Variants in SPDYE3 observed in about 807,000 individuals in gnomAD.
The protein encoded by SPDYE3 is speedy/RINGO cell cycle regulator family member E3.
In SPDYE3, 15 loss-of-function variants were observed where a neutral mutation model predicts 55.0. The observed-to-expected ratio is 0.27, with a 90% CI of 0.18 to 0.42. The LOEUF (loss-of-function observed/expected upper bound fraction) is 0.42, where lower values mean the gene tolerates loss of function less well. SPDYE3 is among the 10% of genes least tolerant of loss of function. The pLI is 1.00. For synonymous variants in SPDYE3, 89 were observed against 229.9 expected (o/e 0.39, Z 5.55); for missense variants, 236 against 576.7 (o/e 0.41, Z 6.05).
chr7:100,311,539 G>A (rs897783417), intron 3 of SPDYE3, among the ~76,000 whole-genome samples: 1 of 138,764 alleles, frequency 7.2e-6, no homozygotes, highest in African/African-American at 2.8e-5. Flanking sequence ...GGAAGGATAT[G>A]ACGCAGTGTT....
intron 3 of SPDYE3, among the ~76,000 whole-genome samples, chr7:100,311,472 CA>C (rs1469369976): frequency 2.3e-5 from 3 of 132,138 alleles, no homozygotes; most frequent in Admixed American, 1.5e-4. Context: ...GGTGACAAAG[CA>C]AGATTCTGTC....
intron 1 of SPDYE3, among the ~76,000 whole-genome samples, chr7:100,308,341 AAAAAAAAAGAAGAAG>A (rs1428184159): frequency 6.6e-6 from 1 of 150,650 alleles, no homozygotes; most frequent in African/African-American, 2.4e-5. Context: ...AAAAAAAAAA[AAAAAAAAAGAAGAAG>A]AAAAAAAAGA....
In SPDYE3 at chr7:100,307,781, G is replaced by C; in HGVS notation, c.-105G>C. On this transcript the variant is annotated 5_prime_UTR_variant, in exon 1 of 11. Transcript: ENST00000332397. The stretch of plus-strand genomic sequence containing the variant: ...TCCACTCCTGACTTCTCCCAGCCTC[G>C]AGAATTGATAACACACTCTTCTGGA... The C allele has an allele frequency of 7.0e-7, 1 of 1,434,848 alleles. No individual in the cohort carries two copies. The highest frequency in any genetic ancestry group is 9.2e-7 in the Non-Finnish European group (1 of 1,086,890). 88.9% of individuals were successfully genotyped at this position (1,434,848 alleles called of 1,614,324 possible). A position where few individuals can be genotyped will look rare whatever the true frequency, so the allele number is the denominator to read the frequency against.
At chr7:100,318,024 C>T (rs530370637) in intron 8 of SPDYE3, among the ~76,000 whole-genome samples, 7 of 151,576 alleles carry the variant, frequency 4.6e-5, no homozygotes, top group Admixed American at 1.3e-4. Flanking sequence ...AACCATGAAC[C>T]GCTCCTAAGG....
rs1350906470 is a variant in SPDYE3 at position 100,320,983 on chromosome 7, G to A, written c.*138G>A. 3 of 1,205,290 alleles carry A rather than the reference G, an allele frequency of 2.5e-6. No individual in the cohort carries two copies. The East Asian group carries it at 1.4e-4, about 57-fold the overall frequency. The allele number at this position is 1,205,290 out of a possible 1,614,324, so 74.7% of individuals were successfully genotyped here. On this transcript the variant is annotated 3_prime_UTR_variant, in exon 11 of 11. Coordinates refer to ENST00000332397, the MANE Select transcript of SPDYE3 (RefSeq NM_001004351.5). ...AGGAAGGAGGAGAGGAGCCATTTGT[G>A]CAGATCATCTAGAAGAACCTGGACC... is the stretch of plus-strand genomic sequence containing the variant.
rs375412654 is a variant in SPDYE3, at chr7:100,319,733, G to C, written c.1515G>C (p.Leu505Phe). The change falls in exon 9 of 11, where the codon TTG becomes TTC. Residue 505 changes from leucine (L) to phenylalanine (F), a missense_variant. Physicochemically the swap from Leu to Phe is conservative, Grantham distance 22. Transcript: ENST00000332397. The part of the protein sequence containing the change: ...RARKNCSQIA[L>F]FQKRRFQFFC... ...GGAAGAACTGCTCTCAGATAGCCTTGTTCCAGAAGCGTCGGTTCCAGTTCT... is the reference window on the plus strand; with the variant it reads ...GGAAGAACTGCTCTCAGATAGCCTTCTTCCAGAAGCGTCGGTTCCAGTTCT... The C allele has an allele frequency of 1.5e-4, 244 of 1,614,200 alleles. 1 individual carries two copies. Among genetic ancestry groups the C allele is most frequent in the Non-Finnish European group, 2.0e-4 (234 of 1,180,038 alleles).
In SPDYE3 at chr7:100,307,708, C is replaced by A; in HGVS notation, c.-178C>A. The A allele has an allele frequency of 1.4e-6, 2 of 1,384,162 alleles. No homozygotes were observed. Among genetic ancestry groups the A allele is most frequent in the South Asian group, 3.0e-5 (2 of 66,220 alleles). The allele number at this position is 1,384,162 out of a possible 1,614,324, so 85.7% of individuals were successfully genotyped here. A position where few individuals can be genotyped will look rare whatever the true frequency, so the allele number is the denominator to read the frequency against. On this transcript the variant is annotated 5_prime_UTR_variant, in exon 1 of 11. Transcript: ENST00000332397. ...CCTGATTGGAAGGACCGGACTCTGT[C>A]GGCGCCTGGCAGTTCAGGTGAACAA...
chr7:100,318,718 T>C, intron 8 of SPDYE3, among the ~76,000 whole-genome samples: 1 of 88,740 alleles, frequency 1.1e-5, no homozygotes, highest in Non-Finnish European at 2.1e-5. Context: ...ATCAATGTAT[T>C]CAATTGCTTT....
chr7:100,308,612 G>C (rs1805884458), intron 1 of SPDYE3, among the ~76,000 whole-genome samples: 1 of 151,900 alleles, frequency 6.6e-6, no homozygotes, highest in Non-Finnish European at 1.5e-5. Flanking sequence ...GAGAGGCTGA[G>C]GCAGGAGAAT....
At position 100,315,698 on chromosome 7, in the gene SPDYE3, C is replaced by T. The variant is rs1399322215; in HGVS notation, c.1202-87C>T. 43 of 1,589,798 alleles carry T rather than the reference C, an allele frequency of 2.7e-5. No individual in the cohort carries two copies. The East Asian group carries it at 6.3e-4, about 23-fold the overall frequency. On this transcript the variant is annotated intron_variant, in intron 6 of 10. Transcript: ENST00000332397. ...CGGCCACAATCCTGAGACTTTCCCC[C>T]GGGAGGCACACTTCTCCTCACTGCC...
At chr7:100,316,468 C>T (rs572574143) in intron 7 of SPDYE3, among the ~76,000 whole-genome samples, 1 of 152,290 alleles carries the variant, frequency 6.6e-6, no homozygotes, top group African/African-American at 2.4e-5. Context: ...TTGAAATCTT[C>T]GTAGAAACAG....
intron 7 of SPDYE3, 100 bp from the exon 8 acceptor site, chr7:100,316,970 T>C: frequency 1.1e-5 from 17 of 1,581,574 alleles, no homozygotes; most frequent in Non-Finnish European, 1.5e-5. Context: ...GTCCCTTCTC[T>C]GATGGGCAAC....
chr7:100,307,910 C>T lies in SPDYE3; in HGVS notation c.25C>T (p.Gln9Ter), dbSNP rs1311943301. The T allele has an allele frequency of 5.0e-6, 8 of 1,585,816 alleles. No individual in the cohort carries two copies. The East Asian group carries it at 1.8e-4, about 36-fold the overall frequency. Residue 9 changes from glutamine (Q) to a stop codon, truncating the protein, a stop_gained, in exon 1 of 11, where the codon CAG becomes TAG. Transcript: ENST00000332397. LOFTEE classifies it high-confidence loss of function. ...CATGACGAGCCATCAACCGCAGCCC[C>T]AGGAAGAGCAGAGCCCCCAGCGGAG... is the stretch of plus-strand genomic sequence containing the variant. MTSHQPQP[Q>*]EEQSPQRSTS...
Position 100,319,299 on chromosome 7 carries a change from C to T in SPDYE3, c.1347-266C>T, listed in dbSNP as rs188338225. Among the ~76,000 whole-genome samples the T allele has an allele frequency of 3.2e-3, 480 of 152,310 alleles. 5 individuals are homozygous for T. The highest frequency in any genetic ancestry group is 0.011 in the African/African-American group (442 of 41,566). On this transcript the variant is annotated intron_variant, in intron 8 of 10. Transcript: ENST00000332397. ...CTGGCCTCAAGTGATCCTCCTGCTT[C>T]GGCCTCCCAGTGTGCTGGGATTCCA... is the stretch of plus-strand genomic sequence containing the variant.
rs1345419870 is a variant in SPDYE3 at position 100,321,756 on chromosome 7, ATC to A, written c.*913_*914del. 6.7e-6 allele frequency: 1 copy of A among 149,932 alleles called. No individual in the cohort carries two copies. Among genetic ancestry groups the A allele is most frequent in the African/African-American group, 2.4e-5 (1 of 41,154 alleles). The allele number at this position is 149,932 out of a possible 1,614,324, so 9.3% of individuals were successfully genotyped here. A position where few individuals can be genotyped will look rare whatever the true frequency, so the allele number is the denominator to read the frequency against. On this transcript the variant is annotated 3_prime_UTR_variant, in exon 11 of 11. Transcript: ENST00000332397. ...TATACTAACATGTCTAATATATACT[ATC>A]TATTTTATTGATTTATTTCGAAAAA...
Position 100,319,631 on chromosome 7 carries a change from C to T in SPDYE3, c.1413C>T (p.Tyr471=), listed in dbSNP as rs749280611. Residue 471 remains tyrosine (Y), a synonymous_variant, in exon 9 of 11, where the codon TAC becomes TAT. Coordinates refer to ENST00000332397, the MANE Select transcript of SPDYE3 (RefSeq NM_001004351.5). ...AACAAAAGATCTTCTACTTCCTGTA[C>T]GGGAAGACCCACTCTCACATACCCT... ...APKQKIFYFL[Y]GKTHSHIPLR... 6.2e-5 allele frequency: 100 copies of T among 1,614,100 alleles called. No homozygotes were observed. Among genetic ancestry groups the T allele is most frequent in the East Asian group, 1.3e-4 (6 of 44,894 alleles).
Position 100,315,841 on chromosome 7 carries a change from A to G in SPDYE3, c.1258A>G (p.Lys420Glu), listed in dbSNP as rs779271978. 6.2e-7 allele frequency: 1 copy of G among 1,600,306 alleles called. No homozygotes were observed. Among genetic ancestry groups the G allele is most frequent in the Admixed American group, 1.7e-5 (1 of 59,998 alleles). ...AWDKDLRVSD[K>E]YLLAMVIAYF... is the part of the protein sequence containing the mutation. ...GGACAAAGATCTGAGGGTGTCAGAC[A>G]AGGTAAGGTTGTTCTCTATGTAACT... Residue 420 changes from lysine (K) to glutamate (E), a missense_variant and splice_region_variant, in exon 7 of 11, where the codon AAG becomes GAG. Transcript: ENST00000332397.
At chr7:100,311,570 G>C in intron 3 of SPDYE3, among the ~76,000 whole-genome samples, 180 bp from the exon 4 acceptor site, 1 of 138,894 alleles carries the variant, frequency 7.2e-6, no homozygotes, top group Non-Finnish European at 1.6e-5. Context: ...AGAGAGGGAA[G>C]AATGGGGAGG....
At chr7:100,315,948 G>A in intron 7 of SPDYE3, 105 bp downstream of exon 7, 7 of 1,545,336 alleles carry the variant, frequency 4.5e-6, no homozygotes, top group Non-Finnish European at 6.1e-6. Context: ...CCCACCAGAT[G>A]CTCCTACAGT....
Sources: gnomAD v4.1 joint callset for allele counts (sites outside exome capture counted in the v4.1 genomes callset) on GRCh38, gnomAD v4.1.1 for gene constraint, MANE v1.5 for transcripts, NCBI Gene and HGNC (gene_info 2026-07-23, HGNC 2026-07-21) for gene names.